STK32B: variants seen among roughly 807,000 people sequenced by gnomAD.
The protein encoded by STK32B is serine/threonine-protein kinase 32B.
In STK32B, 43 loss-of-function variants were observed where a neutral mutation model predicts 52.6. The observed-to-expected ratio is 0.82, with a 90% CI of 0.64 to 1.05. The LOEUF is 1.05. Ranked by LOEUF, STK32B falls within the 50% of genes least tolerant of loss-of-function variation. The pLI is 0.00. For synonymous variants in STK32B, 238 were observed against 204.3 expected (o/e 1.17, Z -1.41); for missense variants, 621 against 534.6 (o/e 1.16, Z -1.59).
At chr4:5,483,554 A>AT (rs1164282189) in intron 11 of STK32B, among the ~76,000 whole-genome samples, 3 of 151,906 alleles carry the variant, frequency 2.0e-5, no homozygotes, top group Non-Finnish European at 4.4e-5. Context: ...GGATTCATTG[A>AT]TTTTTTGAAG....
chr4:5,308,492 C>T (rs570220916), intron 3 of STK32B, among the ~76,000 whole-genome samples: 1 of 152,216 alleles, frequency 6.6e-6, no homozygotes, highest in East Asian at 1.9e-4. Flanking sequence ...GTGTATTCCT[C>T]TAGAGTTATT....
chr4:5,177,670 T>C (rs1189464535), intron 3 of STK32B, among the ~76,000 whole-genome samples: 2 of 152,222 alleles, frequency 1.3e-5, no homozygotes, highest in African/African-American at 2.4e-5. Flanking sequence ...ACTTCCTAGA[T>C]ACAATAGGGT....
chr4:5,352,822 T>C (rs1047700771), intron 4 of STK32B, among the ~76,000 whole-genome samples: 3 of 152,094 alleles, frequency 2.0e-5, no homozygotes, highest in African/African-American at 7.2e-5. Context: ...ATTGTTAAAA[T>C]GACCATACTA....
At chr4:5,327,927 C>G (rs1249384765) in intron 3 of STK32B, among the ~76,000 whole-genome samples, 1 of 152,232 alleles carries the variant, frequency 6.6e-6, no homozygotes, top group African/African-American at 2.4e-5. Context: ...TTCACCTTCA[C>G]CAGTGATCTG....
rs186127025 is a variant in STK32B, at chr4:5,174,005, A to T, written c.260+5555A>T. On this transcript the variant is annotated intron_variant, in intron 3 of 11. Coordinates refer to ENST00000282908, the MANE Select transcript of STK32B (RefSeq NM_018401.3). ...GGGTGCTCCTGTATTGGGTGCATAT[A>T]TATTTAGGGTAGTTAGTTCTTGTTG... is the stretch of plus-strand genomic sequence containing the variant. 2.9e-4 allele frequency among the ~76,000 whole-genome samples: 44 copies of T among 152,288 alleles called. No homozygotes were observed. In the East Asian group the frequency reaches 8.3e-3, roughly 29 times the overall value.
chr4:5,201,356 G>A (rs1722127095), intron 3 of STK32B, among the ~76,000 whole-genome samples: 1 of 152,188 alleles, frequency 6.6e-6, no homozygotes, highest in Admixed American at 6.5e-5. Flanking sequence ...AGGTTTCCAT[G>A]GGGCCGGACA....
intron 5 of STK32B, among the ~76,000 whole-genome samples, chr4:5,412,685 C>A (rs1318919424): frequency 6.6e-6 from 1 of 152,172 alleles, no homozygotes; most frequent in East Asian, 1.9e-4. Context: ...GTAATACCCT[C>A]CTCTCAGTAG....
intron 4 of STK32B, among the ~76,000 whole-genome samples, chr4:5,338,560 A>G (rs553753766): frequency 6.6e-6 from 1 of 151,716 alleles, no homozygotes; most frequent in South Asian, 2.1e-4. Flanking sequence ...CATGTGTCCA[A>G]ATTCCCTGAG....
intron 1 of STK32B, among the ~76,000 whole-genome samples, chr4:5,055,263 A>ATTTT: frequency 7.1e-6 from 1 of 139,988 alleles, no homozygotes; most frequent in African/African-American, 2.7e-5. Context: ...CTAATTTTTA[A>ATTTT]TTTTTTTTTT....
At chr4:5,173,921 A>T (rs1012495180) in intron 3 of STK32B, among the ~76,000 whole-genome samples, 13 of 152,138 alleles carry the variant, frequency 8.5e-5, no homozygotes, top group African/African-American at 3.1e-4. Context: ...GTCTCCTATT[A>T]TTATGGTGTG....
intron 1 of STK32B, among the ~76,000 whole-genome samples, chr4:5,095,255 T>G (rs1713319682): frequency 6.6e-6 from 1 of 152,164 alleles, no homozygotes. Context: ...TGGTTTAGAC[T>G]GTGATGTAAT....
Position 5,454,511 on chromosome 4 carries a change from G to T in STK32B, c.667-2296G>T, listed in dbSNP as rs553158944. Among the ~76,000 whole-genome samples, 5 of 152,162 alleles carry T rather than the reference G, an allele frequency of 3.3e-5. No individual in the cohort carries two copies. The East Asian group carries it at 9.7e-4, about 29-fold the overall frequency. The stretch of plus-strand genomic sequence containing the variant: ...ACGTAGAATTAGGACCAACTCTAAT[G>T]ACTCGATTGGATTACTTCTAGAAAG... On this transcript the variant is annotated intron_variant, in intron 7 of 11. Coordinates refer to ENST00000282908, the MANE Select transcript of STK32B (RefSeq NM_018401.3).
chr4:5,471,640 A>G (rs1717862657), intron 11 of STK32B, among the ~76,000 whole-genome samples: 1 of 152,054 alleles, frequency 6.6e-6, no homozygotes. Flanking sequence ...TCCCTAATCC[A>G]TTCCTTCCCA....
chr4:5,032,577 T>C, the STK32B span, among the ~76,000 whole-genome samples: 3 of 151,864 alleles, frequency 2.0e-5, no homozygotes, highest in East Asian at 3.9e-4. Flanking sequence ...TAATGAAAGA[T>C]GACCAGTTTC....
At chr4:5,102,335 G>T (rs918879627) in intron 1 of STK32B, among the ~76,000 whole-genome samples, 13 of 152,306 alleles carry the variant, frequency 8.5e-5, no homozygotes, top group Admixed American at 8.5e-4. Context: ...ACCACCGGAG[G>T]TGTTCAAACC....
At chr4:5,491,143 C>T (rs1054786149) in intron 11 of STK32B, among the ~76,000 whole-genome samples, 1 of 152,210 alleles carries the variant, frequency 6.6e-6, no homozygotes, top group Non-Finnish European at 1.5e-5. Flanking sequence ...GCTGAAGAAT[C>T]ACCACACTGA....
At chr4:5,478,952 G>C (rs189449066) in intron 11 of STK32B, among the ~76,000 whole-genome samples, 38 of 152,112 alleles carry the variant, frequency 2.5e-4, no homozygotes, top group African/African-American at 8.7e-4. Flanking sequence ...GCAGCCCACA[G>C]GCATGGGCAC....
At chr4:5,250,393 A>ACCTC (rs1318980179) in intron 3 of STK32B, among the ~76,000 whole-genome samples, 1 of 149,338 alleles carries the variant, frequency 6.7e-6, no homozygotes, top group Non-Finnish European at 1.5e-5. Flanking sequence ...GGTCACTGCA[A>ACCTC]CCTCCGCCTC....
At chr4:5,327,353 C>G (rs1472352455) in intron 3 of STK32B, among the ~76,000 whole-genome samples, 2 of 150,786 alleles carry the variant, frequency 1.3e-5, no homozygotes, top group African/African-American at 4.9e-5. Flanking sequence ...TTTCAATTTA[C>G]TTTGCCCAGA....
Sources: allele counts gnomAD v4.1 joint callset (sites outside exome capture counted in the v4.1 genomes callset), GRCh38; gene constraint gnomAD v4.1.1; transcripts MANE v1.5; gene names NCBI Gene and HGNC (gene_info 2026-07-23, HGNC 2026-07-21).